Variants in KPNA1 observed in about 807,000 individuals in gnomAD.
KPNA1 encodes importin subunit alpha-5.
Under a neutral mutation model 70.5 loss-of-function variants are expected in KPNA1, and 10 were observed. That is an observed-to-expected ratio of 0.14 (90% CI 0.09 to 0.24). The LOEUF (loss-of-function observed/expected upper bound fraction) is 0.24, where lower values mean the gene tolerates loss of function less well. KPNA1 is among the 10% of genes least tolerant of loss of function. The probability of loss-of-function intolerance (pLI) is 1.00; values close to 1 mark genes in which losing one functional copy is unlikely to be tolerated. For synonymous variants in KPNA1, 192 were observed against 221.9 expected, an observed-to-expected ratio of 0.87 and a Z score of 1.20; for missense variants, 397 against 637.9, an observed-to-expected ratio of 0.62 and a Z score of 4.07.
Position 122,427,078 on chromosome 3 carries a change from A to G in KPNA1, c.1524T>C (p.Asp508=). Residue 508 remains aspartate, a synonymous_variant, in exon 14 of 14, where the codon GAT becomes GAC. Coordinates refer to ENST00000344337, the MANE Select transcript of KPNA1 (RefSeq NM_002264.4). ...CCTGGGGTGCAATGCTGCTGTCTTC[A>G]TCTTCGGTCCCGAAGTAATGCTCAA... The part of the protein sequence containing the change: ...DLIEHYFGTE[D]EDSSIAPQVD... 1 of 1,614,192 alleles carries G rather than the reference A, an allele frequency of 6.2e-7. No homozygotes were observed. The highest frequency in any genetic ancestry group is 8.5e-7 in the Non-Finnish European group (1 of 1,180,020).
At chr3:122,430,515 A>ATTGT (rs1553780619) in intron 12 of KPNA1, among the ~76,000 whole-genome samples, 1 of 141,382 alleles carries the variant, frequency 7.1e-6, no homozygotes, top group African/African-American at 2.6e-5. Flanking sequence ...CTGTACTACC[A>ATTGT]GTGTGTGTGT....
Position 122,449,718 on chromosome 3 carries a change from A to G in KPNA1, c.773T>C (p.Val258Ala). The change falls in exon 9 of 14, where the codon GTG (valine) becomes GCG (alanine). Residue 258 changes from valine (V) to alanine (A), a missense_variant. Transcript: ENST00000344337. ...EFAKVSPCLNVLSWLLFVSDT... is the reference protein window; with the variant it reads ...EFAKVSPCLNALSWLLFVSDT... ...ACTGACAAACAGCAACCAGGAAAGCACATTCAGACATGGAGAAACCTGTAA... is the reference window on the plus strand; with the variant it reads ...ACTGACAAACAGCAACCAGGAAAGCGCATTCAGACATGGAGAAACCTGTAA... 6.2e-7 allele frequency: 1 copy of G among 1,611,426 alleles called. No homozygotes were observed. The highest frequency in any genetic ancestry group is 1.3e-5 in the African/African-American group (1 of 74,874).
chr3:122,454,121 AT>A (rs1388414271), intron 5 of KPNA1, 120 bp from the exon 6 acceptor site: 5 of 628,090 alleles, frequency 8.0e-6, no homozygotes, highest in South Asian at 2.4e-5. Context: ...CACATAACCT[AT>A]CAGTTGAGTA....
intron 1 of KPNA1, among the ~76,000 whole-genome samples, chr3:122,497,567 A>C (rs1490269857): frequency 6.6e-6 from 1 of 152,208 alleles, no homozygotes; most frequent in Non-Finnish European, 1.5e-5. Flanking sequence ...CAGTATCTCC[A>C]CATCCTTGCC....
intron 9 of KPNA1, among the ~76,000 whole-genome samples, chr3:122,447,255 T>C (rs1189862583): frequency 2.6e-5 from 4 of 152,186 alleles, no homozygotes; most frequent in East Asian, 1.9e-4. Context: ...CTGATGAACA[T>C]TGATGTGAAA....
intron 9 of KPNA1, among the ~76,000 whole-genome samples, chr3:122,445,028 A>T (rs1014663201): frequency 6.6e-6 from 1 of 152,248 alleles, no homozygotes; most frequent in Non-Finnish European, 1.5e-5. Flanking sequence ...CGCCAGCAAC[A>T]GAACAAAGCT....
At chr3:122,482,877 AGACTGGGGAG>A (rs2076587110) in intron 2 of KPNA1, 1 of 152,190 alleles carries the variant, frequency 6.6e-6, no homozygotes, top group South Asian at 2.1e-4. Flanking sequence ...TAGCTGGTAG[AGACTGGGGAG>A]GACGGGATGG....
chr3:122,503,480 T>C (rs2076853826), intron 1 of KPNA1, among the ~76,000 whole-genome samples: 1 of 152,176 alleles, frequency 6.6e-6, no homozygotes, highest in Non-Finnish European at 1.5e-5. Context: ...GGCAGCAAGT[T>C]GAATAAATGA....
Position 122,496,501 on chromosome 3 carries a change from T to C in KPNA1, c.65A>G (p.Asp22Gly). ...KSYKNKSLNP[D>G]EMRRRREEEG... ...TTCCTCCCTCCTCCTGCGCATCTCA[T>C]CGGGATTCAGAGATTTGTTCTTGTA... Residue 22 changes from aspartate (D) to glycine (G), a missense_variant, in exon 2 of 14, where the codon GAT (aspartate) becomes GGT (glycine). Coordinates refer to ENST00000344337, the MANE Select transcript of KPNA1 (RefSeq NM_002264.4). 1 of 1,613,924 alleles carries C rather than the reference T, an allele frequency of 6.2e-7. No individual in the cohort carries two copies. Among genetic ancestry groups the C allele is most frequent in the Non-Finnish European group, 8.5e-7 (1 of 1,179,818 alleles).
At chr3:122,439,308 G>A (rs2076032520) in intron 10 of KPNA1, among the ~76,000 whole-genome samples, 1 of 152,096 alleles carries the variant, frequency 6.6e-6, no homozygotes, top group African/African-American at 2.4e-5. Flanking sequence ...TCAGCCTCCT[G>A]AGTAGAGTAG....
intron 10 of KPNA1, among the ~76,000 whole-genome samples, chr3:122,441,176 T>C (rs2076057493): frequency 6.6e-6 from 1 of 152,120 alleles, no homozygotes. Context: ...AAAAGGAGCT[T>C]GCTAGGGAGA....
intron 2 of KPNA1, among the ~76,000 whole-genome samples, chr3:122,481,637 C>A (rs1220939845): frequency 1.3e-5 from 2 of 152,280 alleles, no homozygotes; most frequent in East Asian, 3.9e-4. Flanking sequence ...ATACTAAAAA[C>A]CACTGAATTA....
intron 1 of KPNA1, among the ~76,000 whole-genome samples, chr3:122,507,260 G>T (rs1167926329): frequency 3.9e-5 from 6 of 152,206 alleles, no homozygotes; most frequent in African/African-American, 1.4e-4. Context: ...GGCCAACATG[G>T]GGAAACCCCA....
intron 6 of KPNA1, among the ~76,000 whole-genome samples, chr3:122,453,528 CT>C (rs1050210787): frequency 1.3e-5 from 2 of 150,912 alleles, no homozygotes; most frequent in African/African-American, 4.9e-5. Flanking sequence ...TTTTGTTTTT[CT>C]TTTTTTGTTT....
chr3:122,486,722 G>C (rs988225997), intron 2 of KPNA1, among the ~76,000 whole-genome samples: 2 of 152,054 alleles, frequency 1.3e-5, no homozygotes, highest in African/African-American at 4.8e-5. Flanking sequence ...CAAGTAGCTG[G>C]GACTACAGGC....
intron 2 of KPNA1, among the ~76,000 whole-genome samples, chr3:122,490,171 A>T (rs929077009): frequency 6.6e-6 from 1 of 152,238 alleles, no homozygotes; most frequent in Admixed American, 6.5e-5. Context: ...TTCAGGCTTC[A>T]CTCAATATAC....
chr3:122,451,510 A>G (rs375743344), intron 8 of KPNA1, 24 bp downstream of exon 8: 81 of 1,351,328 alleles, frequency 6.0e-5, no homozygotes, highest in Non-Finnish European at 7.7e-5. Flanking sequence ...TTTTCTGCCA[A>G]TGTCCCAAAA....
At chr3:122,508,062 G>A (rs1207789600) in intron 1 of KPNA1, among the ~76,000 whole-genome samples, 2 of 150,104 alleles carry the variant, frequency 1.3e-5, no homozygotes, top group Non-Finnish European at 3.0e-5. Flanking sequence ...ATGAACAGAG[G>A]AGAAAACAAA....
chr3:122,510,762 C>G (rs558793382), intron 1 of KPNA1, among the ~76,000 whole-genome samples: 29 of 152,196 alleles, frequency 1.9e-4, no homozygotes, highest in African/African-American at 6.7e-4. Flanking sequence ...CAAGAGGAAA[C>G]AGCTAGAAGA....
Sources: allele counts gnomAD v4.1 joint callset (sites outside exome capture counted in the v4.1 genomes callset), GRCh38; gene constraint gnomAD v4.1.1; transcripts MANE v1.5; gene names NCBI Gene and HGNC (gene_info 2026-07-23, HGNC 2026-07-21).